The following NRXN3 variants were observed in gnomAD, a reference collection of about 807,000 sequenced individuals.
The protein encoded by NRXN3 is neurexin III.
Under a neutral mutation model 137.6 loss-of-function variants are expected in NRXN3, and 32 were observed. The observed-to-expected ratio is 0.23, with a 90% CI of 0.18 to 0.31. NRXN3 has a LOEUF of 0.31. Ranked by LOEUF, NRXN3 falls within the 10% of genes least tolerant of loss-of-function variation. The pLI is 1.00. For missense variants in NRXN3, 1,574 were observed against 2,062.5 expected, an observed-to-expected ratio of 0.76 and a Z score of 4.59; for synonymous variants, 798 against 784.5, an observed-to-expected ratio of 1.02 and a Z score of -0.29.
At chr14:78,599,898 A>G (rs2097189100) in intron 4 of NRXN3, among the ~76,000 whole-genome samples, 2 of 152,310 alleles carry the variant, frequency 1.3e-5, no homozygotes, top group South Asian at 4.1e-4. Flanking sequence ...ACCACCAGCT[A>G]TCATTATAGG....
intron 19 of NRXN3, among the ~76,000 whole-genome samples, chr14:79,739,300 T>C (rs2154078113): frequency 6.6e-6 from 1 of 152,184 alleles, no homozygotes; most frequent in Non-Finnish European, 1.5e-5. Flanking sequence ...TTTGGGGACC[T>C]GAGAAAGTCA....
At chr14:78,968,610 C>T (rs537747597) in intron 14 of NRXN3, among the ~76,000 whole-genome samples, 1 of 152,164 alleles carries the variant, frequency 6.6e-6, no homozygotes, top group Non-Finnish European at 1.5e-5. Flanking sequence ...AAAAAACTTC[C>T]CTGGCATTGA....
intron 4 of NRXN3, among the ~76,000 whole-genome samples, chr14:78,318,396 G>A (rs1176787917): frequency 6.6e-6 from 1 of 152,144 alleles, no homozygotes; most frequent in African/African-American, 2.4e-5. Context: ...CCTCCACTTA[G>A]GTCACCTGAC....
chr14:78,713,600 G>A (rs564205677), intron 7 of NRXN3, among the ~76,000 whole-genome samples: 76 of 152,254 alleles, frequency 5.0e-4, no homozygotes, highest in African/African-American at 1.7e-3. Flanking sequence ...TGCTAATAAA[G>A]ACAAACCCAA....
intron 20 of NRXN3, among the ~76,000 whole-genome samples, chr14:79,844,735 T>A (rs1357363402): frequency 6.6e-6 from 1 of 152,176 alleles, no homozygotes. Context: ...TTTAGCATAA[T>A]TCTTAAGAAC....
At chr14:79,306,989 C>T (rs1196366037) in intron 15 of NRXN3, among the ~76,000 whole-genome samples, 5 of 152,050 alleles carry the variant, frequency 3.3e-5, no homozygotes, top group East Asian at 3.9e-4. Flanking sequence ...AAGGGTCATT[C>T]GAGAAGGGAT....
At chr14:78,407,124 C>T in intron 4 of NRXN3, among the ~76,000 whole-genome samples, 1 of 152,098 alleles carries the variant, frequency 6.6e-6, no homozygotes, top group Admixed American at 6.6e-5. Context: ...GCTCAAAGGG[C>T]TTTTGTTTCT....
chr14:79,604,513 G>A (rs577666093), intron 16 of NRXN3, among the ~76,000 whole-genome samples: 3 of 149,448 alleles, frequency 2.0e-5, no homozygotes, highest in African/African-American at 7.5e-5. Context: ...AGGATTACAG[G>A]CATGAGCCAC....
At chr14:78,380,369 C>T (rs2153630143) in intron 4 of NRXN3, among the ~76,000 whole-genome samples, 1 of 150,404 alleles carries the variant, frequency 6.6e-6, no homozygotes, top group East Asian at 2.0e-4. Context: ...GTGAATGCTA[C>T]CTTACTTGGA....
At chr14:78,631,461 G>A (rs559180800) in intron 4 of NRXN3, among the ~76,000 whole-genome samples, 15 of 152,172 alleles carry the variant, frequency 9.9e-5, no homozygotes, top group African/African-American at 2.4e-4. Context: ...GTCATAACTC[G>A]TGGATTAAAA....
At chr14:79,803,340 G>A (rs935309155) in intron 19 of NRXN3, among the ~76,000 whole-genome samples, 2 of 152,096 alleles carry the variant, frequency 1.3e-5, no homozygotes, top group Non-Finnish European at 2.9e-5. Context: ...AGACCAGGTG[G>A]CTTAGACAAT....
At chr14:79,833,643 C>T (rs2099329352) in intron 20 of NRXN3, among the ~76,000 whole-genome samples, 1 of 152,016 alleles carries the variant, frequency 6.6e-6, no homozygotes, top group Non-Finnish European at 1.5e-5. Flanking sequence ...CCTTAAAAGG[C>T]AGGCAGCTCT....
intron 4 of NRXN3, among the ~76,000 whole-genome samples, chr14:78,395,187 A>G (rs1290001341): frequency 4.6e-5 from 7 of 151,868 alleles, no homozygotes; most frequent in Non-Finnish European, 1.0e-4. Context: ...AGTTAGTGCT[A>G]TAAATTTTCC....
At chr14:78,829,270 A>T (rs1261226104) in intron 10 of NRXN3, among the ~76,000 whole-genome samples, 1 of 152,188 alleles carries the variant, frequency 6.6e-6, no homozygotes, top group East Asian at 1.9e-4. Flanking sequence ...TTCGCAGGTT[A>T]TCTGCAGCCT....
intron 4 of NRXN3, among the ~76,000 whole-genome samples, chr14:78,527,180 A>G (rs78102289): frequency 0.021 from 3,183 of 152,298 alleles, 101 homozygotes; most frequent in African/African-American, 0.069. Flanking sequence ...GCTACAAATA[A>G]ATACCTGAGA....
At chr14:79,231,886 G>A (rs2072270535) in intron 15 of NRXN3, among the ~76,000 whole-genome samples, 1 of 152,116 alleles carries the variant, frequency 6.6e-6, no homozygotes. Context: ...ACTGGTGATG[G>A]TAGGGTGAGG....
chr14:78,893,927 G>A (rs2099166434), intron 10 of NRXN3, among the ~76,000 whole-genome samples: 1 of 151,906 alleles, frequency 6.6e-6, no homozygotes, highest in Non-Finnish European at 1.5e-5. Context: ...TATTAAGTAT[G>A]CAATAGAATG....
intron 1 of NRXN3, among the ~76,000 whole-genome samples, chr14:78,208,218 C>T (rs189456087): frequency 3.6e-4 from 55 of 152,262 alleles, no homozygotes; most frequent in African/African-American, 1.1e-3. Flanking sequence ...GCATTTACTA[C>T]GTGCTTTGTT....
chr14:78,263,300 A>G (rs769095479), intron 2 of NRXN3, among the ~76,000 whole-genome samples: 3 of 152,174 alleles, frequency 2.0e-5, no homozygotes, highest in Non-Finnish European at 4.4e-5. Flanking sequence ...AAGTATTTGT[A>G]TGATTTTATC....
Sources: gnomAD v4.1 joint callset for allele counts (sites outside exome capture counted in the v4.1 genomes callset) on GRCh38, gnomAD v4.1.1 for gene constraint, MANE v1.5 for transcripts, NCBI Gene and HGNC (gene_info 2026-07-23, HGNC 2026-07-21) for gene names.